The following DDC variants were observed in gnomAD, a reference collection of about 807,000 sequenced individuals.
DDC encodes the protein aromatic-L-amino-acid decarboxylase.
In DDC, 43 loss-of-function variants were observed where a neutral mutation model predicts 60.0. The ratio of observed to expected loss-of-function variants is 0.72; its 90% CI spans 0.56 to 0.92. The LOEUF (loss-of-function observed/expected upper bound fraction) is 0.92. Ranked by LOEUF, DDC falls within the 40% of genes least tolerant of loss-of-function variation. The probability of loss-of-function intolerance (pLI) is 0.00; values close to 1 mark genes in which losing one functional copy is unlikely to be tolerated. For missense variants in DDC, 573 were observed against 620.2 expected (o/e 0.92, Z 0.81); for synonymous variants, 232 against 234.6 (o/e 0.99, Z 0.10).
intron 14 of DDC, among the ~76,000 whole-genome samples, chr7:50,462,423 A>C (rs1291834972): frequency 6.6e-6 from 1 of 152,170 alleles, no homozygotes; most frequent in Non-Finnish European, 1.5e-5. Context: ...AATTAACTGC[A>C]TGCTGTCTCC....
chr7:50,551,695 C>T (rs1426615008), intron 1 of DDC, among the ~76,000 whole-genome samples: 1 of 152,132 alleles, frequency 6.6e-6, no homozygotes, highest in African/African-American at 2.4e-5. Flanking sequence ...TAATTCTACT[C>T]TTACGTCTGT....
At chr7:50,474,679 CT>C (rs1248966108) in intron 11 of DDC, among the ~76,000 whole-genome samples, 1 of 152,192 alleles carries the variant, frequency 6.6e-6, no homozygotes, top group Non-Finnish European at 1.5e-5. Context: ...TGCCCCAGGC[CT>C]TTGAAAGACA....
rs1256403213 is a variant in DDC at position 50,492,967 on chromosome 7, G to C, written c.944+2383C>G. 3 of 1,598,204 alleles carry C rather than the reference G, an allele frequency of 1.9e-6. No homozygotes were observed. The Admixed American group carries it at 5.0e-5, about 27-fold the overall frequency. ...TCTCACCACCGCACTGACTAAGCAG[G>C]TTTTCTTCAGCCTTAACATACGCAC... On this transcript the variant is annotated intron_variant, in intron 9 of 14. Transcript: ENST00000444124.
intron 2 of DDC, 73 bp from the exon 3 acceptor site, chr7:50,540,101 C>G: frequency 1.7e-6 from 2 of 1,187,032 alleles, no homozygotes; most frequent in Non-Finnish European, 2.5e-6. Context: ...GACCCAGGTA[C>G]CCCCATGGCT....
In DDC at chr7:50,559,185, T is replaced by C. The variant is rs571391021; in HGVS notation, c.-29+6100A>G. ...CAATGCGAAGAGGCTGAGGGAAGCATGCAGCAGGCACGGAGCTCCTCTCAG... is the reference window on the plus strand; with the variant it reads ...CAATGCGAAGAGGCTGAGGGAAGCACGCAGCAGGCACGGAGCTCCTCTCAG... On this transcript the variant is annotated intron_variant, in intron 1 of 14. Coordinates refer to ENST00000444124, the MANE Select transcript of DDC (RefSeq NM_001082971.2). 4.6e-5 allele frequency among the ~76,000 whole-genome samples: 7 copies of C among 152,296 alleles called. No homozygotes were observed. In the South Asian group the frequency reaches 1.4e-3, roughly 32 times the overall value.
chr7:50,499,070 G>A (rs908911029), intron 8 of DDC, 78 bp downstream of exon 8: 9 of 1,126,436 alleles, frequency 8.0e-6, no homozygotes, highest in African/African-American at 3.1e-5. Context: ...GAGACTGGAC[G>A]TCAGCTCCTC....
At chr7:50,487,937 T>C (rs953949803) in intron 9 of DDC, among the ~76,000 whole-genome samples, 1 of 152,176 alleles carries the variant, frequency 6.6e-6, no homozygotes, top group African/African-American at 2.4e-5. Flanking sequence ...GAGAATTATC[T>C]TTGTGTAACT....
intron 9 of DDC, 22 bp downstream of exon 9, chr7:50,495,328 A>G (rs1423231776): frequency 1.3e-6 from 2 of 1,594,054 alleles, no homozygotes; most frequent in East Asian, 2.2e-5. Flanking sequence ...GGCAACTGAC[A>G]TCTGTGAGCA....
chr7:50,527,904 T>G (rs754866814), intron 6 of DDC: 2 of 453,350 alleles, frequency 4.4e-6, no homozygotes, highest in Non-Finnish European at 8.0e-6. Flanking sequence ...TCTCAAAGAT[T>G]AATTTTTTTT....
intron 9 of DDC, among the ~76,000 whole-genome samples, chr7:50,485,380 AT>A (rs1258808149): frequency 6.6e-6 from 1 of 152,228 alleles, no homozygotes; most frequent in Non-Finnish European, 1.5e-5. Flanking sequence ...AACTTCAATT[AT>A]TTTGTCTATT....
chr7:50,532,306 G>A (rs961530730), intron 4 of DDC, among the ~76,000 whole-genome samples: 3 of 152,262 alleles, frequency 2.0e-5, no homozygotes, highest in African/African-American at 7.2e-5. Context: ...CAGGAAGATT[G>A]TGTTAAAGCG....
chr7:50,547,380 T>A (rs1320976589), intron 1 of DDC, among the ~76,000 whole-genome samples: 1 of 150,702 alleles, frequency 6.6e-6, no homozygotes, highest in Non-Finnish European at 1.5e-5. Context: ...CCTGGCTAAT[T>A]TTTTTTTTGT....
chr7:50,506,270 T>C (rs2043392853), intron 6 of DDC, among the ~76,000 whole-genome samples: 1 of 152,080 alleles, frequency 6.6e-6, no homozygotes, highest in Non-Finnish European at 1.5e-5. Context: ...GGGTAGGAGC[T>C]CTGTACTGAT....
At chr7:50,549,012 C>T (rs2044896247) in intron 1 of DDC, among the ~76,000 whole-genome samples, 2 of 152,276 alleles carry the variant, frequency 1.3e-5, no homozygotes, top group African/African-American at 2.4e-5. Context: ...AACAACAAAG[C>T]CTGGATGACA....
chr7:50,461,886 C>T (rs559591320), intron 14 of DDC, among the ~76,000 whole-genome samples: 2 of 152,220 alleles, frequency 1.3e-5, no homozygotes, highest in South Asian at 2.1e-4. Context: ...CCTGGTTGCA[C>T]CAGGGAAAGG....
At chr7:50,505,369 T>TA (rs1488150537) in intron 6 of DDC, among the ~76,000 whole-genome samples, 1 of 152,244 alleles carries the variant, frequency 6.6e-6, no homozygotes, top group East Asian at 1.9e-4. Flanking sequence ...GCAGTCTAGA[T>TA]AATGAAATTT....
chr7:50,489,049 C>A (rs956847748), intron 9 of DDC, among the ~76,000 whole-genome samples: 1 of 152,148 alleles, frequency 6.6e-6, no homozygotes, highest in African/African-American at 2.4e-5. Context: ...CTCTGTCACC[C>A]AGGCTGGAGT....
rs960097869 is a variant in DDC at position 50,460,591 on chromosome 7, G to T, written c.*19-1748C>A. 2.6e-4 allele frequency among the ~76,000 whole-genome samples: 40 copies of T among 151,804 alleles called. 1 individual carries two copies. Among genetic ancestry groups the T allele is most frequent in the African/African-American group, 9.3e-4 (38 of 41,040 alleles). On this transcript the variant is annotated intron_variant, in intron 14 of 14. Coordinates refer to ENST00000444124, the MANE Select transcript of DDC (RefSeq NM_001082971.2). ...AGAACGGGCCATGATGACAATGGCG[G>T]TTTTGTGGAACAGAAAGGGGGGAAA...
At chr7:50,502,501 A>G (rs1033554303) in intron 7 of DDC, among the ~76,000 whole-genome samples, 1 of 152,238 alleles carries the variant, frequency 6.6e-6, no homozygotes, top group African/African-American at 2.4e-5. Flanking sequence ...TCTGAGTCAG[A>G]GGACTCCAAG....
Sources: allele counts gnomAD v4.1 joint callset (sites outside exome capture counted in the v4.1 genomes callset), GRCh38; gene constraint gnomAD v4.1.1; transcripts MANE v1.5; gene names NCBI Gene and HGNC (gene_info 2026-07-23, HGNC 2026-07-21).